The following NAALADL2 variants were observed in gnomAD, a reference collection of about 807,000 sequenced individuals.
NAALADL2 encodes N-acetylated alpha-linked acidic dipeptidase like 2, also known as inactive N-acetylated-alpha-linked acidic dipeptidase-like protein 2.
Under a neutral mutation model 87.2 loss-of-function variants are expected in NAALADL2, and 76 were observed. The ratio of observed to expected loss-of-function variants is 0.87; its 90% CI spans 0.72 to 1.05. The LOEUF is 1.05. Ranked by LOEUF, NAALADL2 falls within the 50% of genes least tolerant of loss-of-function variation. NAALADL2 has a pLI of 0.00. For synonymous variants in NAALADL2, 354 were observed against 331.0 expected (o/e 1.07, Z -0.75); for missense variants, 1,089 against 945.8 (o/e 1.15, Z -1.99).
chr3:175,496,044 A>T (rs1452283081), intron 9 of NAALADL2, among the ~76,000 whole-genome samples: 2 of 152,152 alleles, frequency 1.3e-5, no homozygotes, highest in Non-Finnish European at 2.9e-5. Flanking sequence ...AACATGTCTG[A>T]CACCCATTTG....
At chr3:175,092,146 A>G (rs1192890773) in intron 1 of NAALADL2, among the ~76,000 whole-genome samples, 1 of 151,938 alleles carries the variant, frequency 6.6e-6, no homozygotes, top group African/African-American at 2.4e-5. Context: ...TAACTTCAAA[A>G]ATGTGGTACT....
rs145883136 is a variant in NAALADL2, at chr3:175,678,018, A to T, written c.1896+50632A>T. Among the ~76,000 whole-genome samples, 350 of 152,300 alleles carry T rather than the reference A, an allele frequency of 2.3e-3. 1 individual carries two copies. The highest frequency in any genetic ancestry group is 4.4e-3 in the Admixed American group (67 of 15,298). On this transcript the variant is annotated intron_variant, in intron 11 of 13. Coordinates refer to ENST00000454872, the MANE Select transcript of NAALADL2 (RefSeq NM_207015.3). ...AGGAATTTTATGGGAAATTTGGAAG[A>T]TTCAAAGGGTTAGGCAGAGCCTTGT...
In NAALADL2 at chr3:174,585,059, A is replaced by G. The variant is rs149325489; in HGVS notation, c.-115+34422A>G. On this transcript the variant is annotated intron_variant, in intron 2 of 3. Coordinates refer to the NAALADL2 transcript ENST00000434257. ...AGCACAAAGCTCTTTTTATCTGTATATATAAGAATAACACATATTCTGAAA... is the reference window on the plus strand; with the variant it reads ...AGCACAAAGCTCTTTTTATCTGTATGTATAAGAATAACACATATTCTGAAA... Among the ~76,000 whole-genome samples, 12 of 152,204 alleles carry G rather than the reference A, an allele frequency of 7.9e-5. No homozygotes were observed. In the East Asian group the frequency reaches 1.4e-3, roughly 17 times the overall value.
intron 1 of NAALADL2, among the ~76,000 whole-genome samples, chr3:174,983,946 A>G (rs992828957): frequency 7.9e-5 from 12 of 152,198 alleles, no homozygotes; most frequent in Non-Finnish European, 1.6e-4. Context: ...TGATGAATAC[A>G]TACTACCACA....
At chr3:175,651,277 G>A (rs1225825620) in intron 11 of NAALADL2, among the ~76,000 whole-genome samples, 1 of 152,034 alleles carries the variant, frequency 6.6e-6, no homozygotes, top group East Asian at 1.9e-4. Context: ...AATATAATGA[G>A]CACATCAAAA....
intron 1 of NAALADL2, among the ~76,000 whole-genome samples, chr3:174,927,278 T>C (rs543765246): frequency 1.3e-5 from 2 of 152,304 alleles, no homozygotes; most frequent in East Asian, 3.9e-4. Context: ...AACACCCCAC[T>C]GTCAACATTA....
chr3:174,882,645 GCA>G (rs1729451686), intron 1 of NAALADL2, among the ~76,000 whole-genome samples: 5 of 143,872 alleles, frequency 3.5e-5, no homozygotes, highest in Non-Finnish European at 7.6e-5. Context: ...ACACATATGT[GCA>G]TATACACATA....
At position 175,447,364 on chromosome 3, in the gene NAALADL2, C is replaced by G. The variant is rs2149222511; in HGVS notation, c.1226C>G (p.Pro409Arg). The change falls in exon 6 of 14, where the codon CCA (proline) becomes CGA (arginine). Residue 409 changes from proline to arginine, a missense_variant. Pro to Arg is a moderately radical substitution (Grantham distance 103). Coordinates refer to ENST00000454872, the MANE Select transcript of NAALADL2 (RefSeq NM_207015.3). ...KNEACSSLEL[P>R]NNEIRVVSMQ... ...GAAGCGTGTAGCTCTCTAGAGCTTCCAAATAATGGTAAAGTATTTAATGTC... is the reference window on the plus strand; with the variant it reads ...GAAGCGTGTAGCTCTCTAGAGCTTCGAAATAATGGTAAAGTATTTAATGTC... The G allele has an allele frequency of 6.4e-7, 1 of 1,561,952 alleles. No homozygotes were observed. The highest frequency in any genetic ancestry group is 1.2e-5 in the South Asian group (1 of 82,702).
At chr3:175,035,767 T>C (rs536569448) in intron 1 of NAALADL2, among the ~76,000 whole-genome samples, 16 of 152,280 alleles carry the variant, frequency 1.1e-4, no homozygotes, top group Middle Eastern at 3.4e-3. Flanking sequence ...TAATTCAAAA[T>C]CATTTAAAAT....
chr3:174,960,730 C>T (rs1329025931), intron 1 of NAALADL2, among the ~76,000 whole-genome samples: 1 of 151,948 alleles, frequency 6.6e-6, no homozygotes, highest in Non-Finnish European at 1.5e-5. Flanking sequence ...TTCTAAAATA[C>T]TTAATGGATT....
At chr3:175,416,322 A>G (rs1486740432) in intron 5 of NAALADL2, among the ~76,000 whole-genome samples, 2 of 152,146 alleles carry the variant, frequency 1.3e-5, no homozygotes, top group Non-Finnish European at 2.9e-5. Context: ...AAAATAGTAC[A>G]GAGTTATTTT....
In NAALADL2 at chr3:175,808,442, C is replaced by G. The variant is rs1425858047; in HGVS notation, c.*5239C>G. ...TCCAATCATCAAGGCCAAAGAAATGCATGATTACTCTGATTTCTTATGCAC... is the reference window on the plus strand; with the variant it reads ...TCCAATCATCAAGGCCAAAGAAATGGATGATTACTCTGATTTCTTATGCAC... On this transcript the variant is annotated 3_prime_UTR_variant, in exon 14 of 14. Coordinates refer to ENST00000454872, the MANE Select transcript of NAALADL2 (RefSeq NM_207015.3). The G allele has an allele frequency of 6.6e-6, 1 of 151,858 alleles. No homozygotes were observed. Among genetic ancestry groups the G allele is most frequent in the Non-Finnish European group, 1.5e-5 (1 of 67,926 alleles). The allele number at this position is 151,858 out of a possible 1,614,324, so 9.4% of individuals were successfully genotyped here.
At chr3:175,093,307 T>A (rs1720488945) in intron 1 of NAALADL2, among the ~76,000 whole-genome samples, 2 of 151,272 alleles carry the variant, frequency 1.3e-5, no homozygotes, top group African/African-American at 4.8e-5. Flanking sequence ...TTAAGACAGC[T>A]ACATTCTTGA....
At chr3:175,672,724 C>T (rs911489415) in intron 11 of NAALADL2, among the ~76,000 whole-genome samples, 1 of 152,088 alleles carries the variant, frequency 6.6e-6, no homozygotes, top group Admixed American at 6.5e-5. Flanking sequence ...CACTTTTTAT[C>T]CTTAAGGTGC....
At chr3:174,641,960 T>C (rs1723238115) in intron 2 of NAALADL2, among the ~76,000 whole-genome samples, 1 of 152,102 alleles carries the variant, frequency 6.6e-6, no homozygotes. Context: ...GGTTTCACCA[T>C]GTTGGCCAGG....
At chr3:175,574,406 G>A (rs944401829) in intron 9 of NAALADL2, among the ~76,000 whole-genome samples, 1 of 152,164 alleles carries the variant, frequency 6.6e-6, no homozygotes, top group East Asian at 1.9e-4. Flanking sequence ...GTTCTGATTG[G>A]TCAAAATAGT....
chr3:175,070,138 T>C (rs1367255942), intron 1 of NAALADL2, among the ~76,000 whole-genome samples: 1 of 150,810 alleles, frequency 6.6e-6, no homozygotes. Context: ...ATTGTGCACA[T>C]GTACCCTAAA....
At chr3:174,661,286 T>C (rs1404611920) in intron 2 of NAALADL2, among the ~76,000 whole-genome samples, 1 of 152,192 alleles carries the variant, frequency 6.6e-6, no homozygotes, top group Non-Finnish European at 1.5e-5. Context: ...ATATTATTAC[T>C]GAACTCATAA....
At chr3:175,241,902 A>T (rs1436762808) in intron 3 of NAALADL2, among the ~76,000 whole-genome samples, 1 of 118,544 alleles carries the variant, frequency 8.4e-6, no homozygotes, top group African/African-American at 3.3e-5. Flanking sequence ...TCACTCTGTC[A>T]CCAGGCTAGA....
Sources: allele counts gnomAD v4.1 joint callset (sites outside exome capture counted in the v4.1 genomes callset), GRCh38; gene constraint gnomAD v4.1.1; transcripts MANE v1.5; gene names NCBI Gene and HGNC (gene_info 2026-07-23, HGNC 2026-07-21).